Variants in HBS1L observed in about 807,000 individuals in gnomAD.
HBS1L encodes HBS1-like protein.
A neutral mutation model predicts 88.9 loss-of-function variants in HBS1L; 55 were observed. That is an observed-to-expected ratio of 0.62 (90% confidence interval 0.50 to 0.77). The LOEUF (loss-of-function observed/expected upper bound fraction) is 0.77. Ranked by LOEUF, HBS1L falls within the 30% of genes least tolerant of loss-of-function variation. The probability of loss-of-function intolerance (pLI) is 0.00; values close to 1 mark genes in which losing one functional copy is unlikely to be tolerated. For missense variants in HBS1L, 741 were observed against 829.3 expected (o/e 0.89, Z 1.31); for synonymous variants, 267 against 288.5 (o/e 0.93, Z 0.76).
chr6:135,027,187 C>CAAAA (rs71006749), intron 4 of HBS1L: 53 of 56,264 alleles, frequency 9.4e-4, no homozygotes, highest in African/African-American at 1.4e-3. Flanking sequence ...GACTCTATCT[C>CAAAA]AAAAAAAAAA....
chr6:135,024,456 A>C (rs1776167146), intron 4 of HBS1L, among the ~76,000 whole-genome samples: 1 of 149,938 alleles, frequency 6.7e-6, no homozygotes. Flanking sequence ...AAAAAAAAAA[A>C]AAAAAACACA....
chr6:134,995,911 C>T (rs143670947), intron 7 of HBS1L, among the ~76,000 whole-genome samples: 261 of 152,034 alleles, frequency 1.7e-3, no homozygotes, highest in Middle Eastern at 6.8e-3. Flanking sequence ...CTTTACAGAG[C>T]GTTACCTTAT....
intron 2 of HBS1L, among the ~76,000 whole-genome samples, chr6:135,046,820 A>G (rs1776926835): frequency 6.6e-6 from 1 of 152,246 alleles, no homozygotes; most frequent in South Asian, 2.1e-4. Context: ...CTTTTCAATG[A>G]CATTAGCTGC....
intron 2 of HBS1L, among the ~76,000 whole-genome samples, chr6:135,042,417 A>G (rs1447453403): frequency 6.6e-6 from 1 of 151,996 alleles, no homozygotes; most frequent in East Asian, 1.9e-4. Flanking sequence ...ACCTTTCCTA[A>G]TATCTCTTCT....
chr6:135,038,584 GC>G (rs1164123997), intron 4 of HBS1L, among the ~76,000 whole-genome samples: 1 of 152,144 alleles, frequency 6.6e-6, no homozygotes, highest in East Asian at 1.9e-4. Context: ...ATGGTAACAG[GC>G]TGTACACAGC....
chr6:134,977,357 C>T (rs1234384391), intron 15 of HBS1L, among the ~76,000 whole-genome samples: 5 of 151,908 alleles, frequency 3.3e-5, no homozygotes, highest in Admixed American at 2.0e-4. Context: ...AGTAACCAAC[C>T]CCTCCTTTGC....
chr6:134,990,514 A>G (rs1288822096), intron 8 of HBS1L, among the ~76,000 whole-genome samples: 1 of 152,176 alleles, frequency 6.6e-6, no homozygotes, highest in Non-Finnish European at 1.5e-5. Context: ...TACATAATGG[A>G]ATTCAATTAG....
chr6:135,040,352 T>A (rs1191244115), intron 3 of HBS1L, among the ~76,000 whole-genome samples: 1 of 58,762 alleles, frequency 1.7e-5, no homozygotes, highest in Non-Finnish European at 4.0e-5. Flanking sequence ...TTCTTTTTTT[T>A]TTTTTTTTTT....
chr6:135,021,490 G>A (rs1228087821), intron 4 of HBS1L, among the ~76,000 whole-genome samples: 1 of 151,926 alleles, frequency 6.6e-6, no homozygotes, highest in Non-Finnish European at 1.5e-5. Flanking sequence ...CATTTCTTAG[G>A]ACTGCTAATT....
chr6:134,961,216 T>C lies in HBS1L; in HGVS notation c.*4063A>G, dbSNP rs770452760. On this transcript the variant is annotated 3_prime_UTR_variant, in exon 18 of 18. Coordinates refer to ENST00000367837, the MANE Select transcript of HBS1L (RefSeq NM_006620.4). ...GTAACAAAATAATGTAGTCCCTTTA[T>C]GGACTATAAGTAACTTAATGCTTTT... The C allele has an allele frequency of 2.6e-5, 4 of 152,052 alleles. No homozygotes were observed. The highest frequency in any genetic ancestry group is 5.9e-5 in the Non-Finnish European group (4 of 67,996). The allele number at this position is 152,052 out of a possible 1,614,324, so 9.4% of individuals were successfully genotyped here.
chr6:135,010,826 T>C (rs1170292284), intron 4 of HBS1L, among the ~76,000 whole-genome samples: 3 of 152,134 alleles, frequency 2.0e-5, no homozygotes, highest in Non-Finnish European at 4.4e-5. Flanking sequence ...GGAGTTGAAC[T>C]ACCAGATATC....
intron 15 of HBS1L, among the ~76,000 whole-genome samples, chr6:134,974,318 A>T (rs1774580184): frequency 6.6e-6 from 1 of 152,178 alleles, no homozygotes; most frequent in African/African-American, 2.4e-5. Context: ...CCATAGCCAA[A>T]TTCTACCAGA....
At chr6:135,022,454 G>A (rs975036944) in intron 4 of HBS1L, among the ~76,000 whole-genome samples, 3 of 152,048 alleles carry the variant, frequency 2.0e-5, no homozygotes, top group Admixed American at 6.6e-5. Flanking sequence ...TTTAAATTAA[G>A]CAATTAGTGT....
rs1398197533 is a variant in HBS1L, at chr6:134,978,868, A to G, written c.1689-81T>C. ...TAGAAAGACCTCAAAAACATTTACAAGGAAAGTAAAACAATTAAGTAAATT... is the reference window on the plus strand; with the variant it reads ...TAGAAAGACCTCAAAAACATTTACAGGGAAAGTAAAACAATTAAGTAAATT... On this transcript the variant is annotated intron_variant, in intron 14 of 17. Coordinates refer to ENST00000367837, the MANE Select transcript of HBS1L (RefSeq NM_006620.4). 3 of 842,506 alleles carry G rather than the reference A, an allele frequency of 3.6e-6. No individual in the cohort carries two copies. In the African/African-American group the frequency reaches 5.2e-5, roughly 14 times the overall value. 52.2% of individuals were successfully genotyped at this position (842,506 alleles called of 1,614,324 possible).
At chr6:134,997,752 T>A in intron 5 of HBS1L, 96 bp from the exon 6 acceptor site, 1 of 1,151,188 alleles carries the variant, frequency 8.7e-7, no homozygotes, top group African/African-American at 1.5e-5. Flanking sequence ...CATAATCCTT[T>A]ATGCTCCAGA....
intron 5 of HBS1L, 41 bp downstream of exon 5, chr6:135,002,693 G>A: frequency 8.6e-7 from 1 of 1,165,140 alleles, no homozygotes. Context: ...TCAAAAACTT[G>A]GGGGTGGGGG....
At chr6:135,010,041 A>C (rs1343780907) in intron 4 of HBS1L, among the ~76,000 whole-genome samples, 1 of 152,216 alleles carries the variant, frequency 6.6e-6, no homozygotes, top group Admixed American at 6.5e-5. Context: ...TGATTTCTCC[A>C]TAAAATATGC....
At chr6:135,027,085 G>C (rs149496650) in intron 4 of HBS1L, 1 of 148,664 alleles carries the variant, frequency 6.7e-6, no homozygotes, top group Non-Finnish European at 1.5e-5. Context: ...CCAGATATTC[G>C]GGAGACTGAG....
rs1368499213 is a variant in HBS1L at position 135,049,055 on chromosome 6, C to T, written c.109+1527G>A. On this transcript the variant is annotated intron_variant, in intron 2 of 17. Coordinates refer to ENST00000367837, the MANE Select transcript of HBS1L (RefSeq NM_006620.4). ...AAGCAGGTACAGTTTATAAGACAGC[C>T]CAGCGGACTAGAGGGTAATTAAGAC... is the stretch of plus-strand genomic sequence containing the variant. Among the ~76,000 whole-genome samples the T allele has an allele frequency of 3.3e-5, 5 of 152,098 alleles. No individual in the cohort carries two copies. The South Asian group carries it at 8.3e-4, about 25-fold the overall frequency.
Sources: allele counts gnomAD v4.1 joint callset (sites outside exome capture counted in the v4.1 genomes callset), GRCh38; gene constraint gnomAD v4.1.1; transcripts MANE v1.5; gene names NCBI Gene and HGNC (gene_info 2026-07-23, HGNC 2026-07-21).